PLXNA4: variants seen among roughly 807,000 people sequenced by gnomAD.
PLXNA4 encodes plexin A4, also known as plexin-A4.
A neutral mutation model predicts 191.8 loss-of-function variants in PLXNA4; 44 were observed. That is an observed-to-expected ratio of 0.23 (90% CI 0.18 to 0.29). PLXNA4 has a LOEUF of 0.29. Ranked by LOEUF, PLXNA4 falls within the 10% of genes least tolerant of loss-of-function variation. The pLI is 1.00. For missense variants in PLXNA4, 1,800 were observed against 2,488.8 expected, an observed-to-expected ratio of 0.72 and a Z score of 5.89; for synonymous variants, 1,082 against 1,009.5, an observed-to-expected ratio of 1.07 and a Z score of -1.36.
intron 3 of PLXNA4, among the ~76,000 whole-genome samples, chr7:132,370,623 C>T (rs577930250): frequency 2.6e-5 from 4 of 152,224 alleles, no homozygotes; most frequent in African/African-American, 9.6e-5. Context: ...TGTTTGTGTG[C>T]CTGTGTATGT....
At chr7:132,341,756 G>A (rs2116748867) in intron 3 of PLXNA4, among the ~76,000 whole-genome samples, 1 of 152,280 alleles carries the variant, frequency 6.6e-6, no homozygotes, top group Admixed American at 6.5e-5. Context: ...TTTTAGGGTT[G>A]AGTTCTTTCT....
At chr7:132,549,517 CA>C (rs1216477001) in intron 1 of PLXNA4, among the ~76,000 whole-genome samples, 1 of 152,174 alleles carries the variant, frequency 6.6e-6, no homozygotes, top group African/African-American at 2.4e-5. Flanking sequence ...GATGCTGACA[CA>C]TTTGGGCCCT....
At chr7:132,323,229 G>A (rs1254926106) in intron 3 of PLXNA4, among the ~76,000 whole-genome samples, 1 of 152,214 alleles carries the variant, frequency 6.6e-6, no homozygotes, top group African/African-American at 2.4e-5. Flanking sequence ...GGTGCCAGCA[G>A]ATGATTCATG....
chr7:132,277,817 T>G (rs1800335096), intron 4 of PLXNA4, among the ~76,000 whole-genome samples: 1 of 152,168 alleles, frequency 6.6e-6, no homozygotes, highest in Non-Finnish European at 1.5e-5. Flanking sequence ...ATTTTAGACT[T>G]TGCAGAGGCC....
At chr7:132,132,458 T>TCTGCTCTGC (rs1794976883) in intron 31 of PLXNA4, among the ~76,000 whole-genome samples, 1 of 55,534 alleles carries the variant, frequency 1.8e-5, no homozygotes, top group Non-Finnish European at 3.8e-5. Context: ...TTCTGTTCTG[T>TCTGCTCTGC]TCTGTTCTGC....
intron 9 of PLXNA4, 151 bp from the exon 10 acceptor site, chr7:132,211,294 A>T: frequency 1.3e-6 from 1 of 749,442 alleles, no homozygotes. Context: ...CCCAGTGGGC[A>T]ATGCACTGAG....
At chr7:132,440,357 G>C (rs1411550653) in intron 3 of PLXNA4, among the ~76,000 whole-genome samples, 1 of 152,174 alleles carries the variant, frequency 6.6e-6, no homozygotes, top group Non-Finnish European at 1.5e-5. Flanking sequence ...ACTTTTGAAA[G>C]TATACTCTCC....
intron 3 of PLXNA4, among the ~76,000 whole-genome samples, chr7:132,307,368 C>A (rs1232523510): frequency 6.6e-6 from 1 of 152,114 alleles, no homozygotes; most frequent in African/African-American, 2.4e-5. Context: ...TTGTTTACAC[C>A]CTTGCTAGAT....
At chr7:132,509,956 T>G (rs1798642642) in intron 1 of PLXNA4, among the ~76,000 whole-genome samples, 2 of 152,164 alleles carry the variant, frequency 1.3e-5, no homozygotes, top group Non-Finnish European at 2.9e-5. Context: ...TCTGAGAGGT[T>G]TTCATTAAAG....
intron 4 of PLXNA4, among the ~76,000 whole-genome samples, chr7:132,261,381 C>T (rs538138766): frequency 1.6e-4 from 25 of 152,352 alleles, no homozygotes; most frequent in Admixed American, 1.6e-3. Flanking sequence ...CCTGCAGGGA[C>T]TGAACAAGGG....
intron 3 of PLXNA4, among the ~76,000 whole-genome samples, chr7:132,314,630 G>T (rs1440636393): frequency 6.6e-6 from 1 of 152,186 alleles, no homozygotes; most frequent in Non-Finnish European, 1.5e-5. Context: ...TTTACAGGTT[G>T]TTACTCTGGG....
upstream of PLXNA4, among the ~76,000 whole-genome samples, chr7:132,578,061 A>G (rs1802326043): frequency 6.6e-6 from 1 of 152,218 alleles, no homozygotes; most frequent in Admixed American, 6.5e-5. Flanking sequence ...GACCATGCCA[A>G]CATCAGGGTG....
At chr7:132,587,947 C>G (rs1277867185) in intron 2 of PLXNA4, among the ~76,000 whole-genome samples, 1 of 151,872 alleles carries the variant, frequency 6.6e-6, no homozygotes, top group East Asian at 1.9e-4. Context: ...ATTCCACACT[C>G]CCCAGAGTTC....
chr7:132,405,771 T>C (rs1315805498), intron 3 of PLXNA4, among the ~76,000 whole-genome samples: 5 of 152,200 alleles, frequency 3.3e-5, no homozygotes, highest in African/African-American at 4.8e-5. Context: ...AGACTTCAGG[T>C]TCCCCATCCT....
At chr7:132,484,807 A>C in intron 3 of PLXNA4, 1 of 1,613,768 alleles carries the variant, frequency 6.2e-7, no homozygotes. Flanking sequence ...TCAAATTTCC[A>C]GAGTAATTTT....
chr7:132,348,152 G>A (rs1171281909), intron 3 of PLXNA4, among the ~76,000 whole-genome samples: 1 of 152,168 alleles, frequency 6.6e-6, no homozygotes, highest in South Asian at 2.1e-4. Context: ...GAATGAAGCT[G>A]AACTGCCTGG....
intron 3 of PLXNA4, among the ~76,000 whole-genome samples, chr7:132,411,393 C>A (rs1351174927): frequency 6.6e-6 from 1 of 152,194 alleles, no homozygotes; most frequent in Admixed American, 6.5e-5. Context: ...ATTGACAAGA[C>A]CATAGCTGAT....
chr7:132,298,177 C>A lies in PLXNA4; in HGVS notation c.1417G>T (p.Val473Leu), dbSNP rs930757982. Residue 473 changes from valine (V) to leucine (L), a missense_variant, in exon 4 of 32, where the codon GTG becomes TTG. Around this residue, in one of 6 missense-constraint regions of PLXNA4, gnomAD observed 1,397 missense variants for 1,880.4 expected, o/e 0.74. Transcript: ENST00000321063. ...PRGNALQYETVQVVDPGPVLR... is the reference protein window; with the variant it reads ...PRGNALQYETLQVVDPGPVLR... ...ACTGGGCCGGGGTCCACCACCTGCA[C>A]CGTCTCATACTGGAGGGCGTTGCCC... The A allele has an allele frequency of 6.2e-7, 1 of 1,614,062 alleles. No individual in the cohort carries two copies. The highest frequency in any genetic ancestry group is 1.3e-5 in the African/African-American group (1 of 74,934).
intron 3 of PLXNA4, among the ~76,000 whole-genome samples, chr7:132,460,916 C>G (rs1166669269): frequency 1.3e-5 from 2 of 151,738 alleles, no homozygotes; most frequent in Admixed American, 6.6e-5. Flanking sequence ...AAGCAAGCAA[C>G]CAAGCAAGCA....
Sources: gnomAD v4.1 joint callset for allele counts (sites outside exome capture counted in the v4.1 genomes callset) on GRCh38, gnomAD v4.1.1 for gene constraint, gnomAD v4.1.1 regional missense constraint, MANE v1.5 for transcripts, NCBI Gene and HGNC (gene_info 2026-07-23, HGNC 2026-07-21) for gene names.